Variants in SPOUT1 observed in about 807,000 individuals in gnomAD.
SPOUT1 encodes the protein 28S rRNA (uridine-N(3))-methyltransferase.
A neutral mutation model predicts 54.8 loss-of-function variants in SPOUT1; 40 were observed. That is an observed-to-expected ratio of 0.73 (90% CI 0.57 to 0.95). SPOUT1 has a LOEUF of 0.95. Ranked by LOEUF, SPOUT1 falls within the 40% of genes least tolerant of loss-of-function variation. SPOUT1 has a pLI of 0.00. For missense variants in SPOUT1, 437 were observed against 499.5 expected (o/e 0.87, Z 1.19); for synonymous variants, 193 against 200.3 (o/e 0.96, Z 0.31).
In SPOUT1 at chr9:128,824,176, T is replaced by TG; in HGVS notation, c.812-3dup. On this transcript the variant is annotated splice_polypyrimidine_tract_variant and splice_region_variant and intron_variant, in intron 9 of 11. Transcript: ENST00000361256. ...AGGGGGCCTCAGCAAACACAGCACC[T>TG]GGGGGTGGGGCCAGCTCAGTGCAGG... 1 of 1,583,896 alleles carries TG rather than the reference T, an allele frequency of 6.3e-7. No individual in the cohort carries two copies. Among genetic ancestry groups the TG allele is most frequent in the Non-Finnish European group, 8.6e-7 (1 of 1,158,562 alleles).
Position 128,820,355 on chromosome 9 carries a change from G to C in SPOUT1, c.*2410C>G. The C allele has an allele frequency of 5.0e-6, 1 of 198,376 alleles. No individual in the cohort carries two copies. The highest frequency in any genetic ancestry group is 1.0e-5 in the Non-Finnish European group (1 of 96,684). The allele number at this position is 198,376 out of a possible 1,614,324, so 12.3% of individuals were successfully genotyped here. ...TGGAGGTCGATTCATGGCATTCCCCGCTAGGCTCTTCCTGTGGCTCAGACT... is the reference window on the plus strand; with the variant it reads ...TGGAGGTCGATTCATGGCATTCCCCCCTAGGCTCTTCCTGTGGCTCAGACT... On this transcript the variant is annotated 3_prime_UTR_variant, in exon 12 of 12. Coordinates refer to ENST00000361256, the MANE Select transcript of SPOUT1 (RefSeq NM_016390.4).
chr9:128,829,659 G>C, intron 1 of SPOUT1, 86 bp downstream of exon 1: 4 of 1,070,508 alleles, frequency 3.7e-6, no homozygotes, highest in Non-Finnish European at 5.5e-6. Context: ...AGGAGGCGCG[G>C]CCCGGCCCCG....
chr9:128,829,645 C>A (rs1830313401), intron 1 of SPOUT1, 100 bp downstream of exon 1: 2 of 899,572 alleles, frequency 2.2e-6, no homozygotes, highest in South Asian at 1.6e-5. Flanking sequence ...GGGAAGCAGG[C>A]AGCAGGAGGC....
At chr9:128,824,208 TC>T in intron 9 of SPOUT1, 34 bp from the exon 10 acceptor site, 1 of 1,181,494 alleles carries the variant, frequency 8.5e-7, no homozygotes, top group Non-Finnish European at 1.2e-6. Context: ...CAGGTCCTGC[TC>T]CCCACAAGCC....
intron 3 of SPOUT1, 22 bp from the exon 4 acceptor site, chr9:128,827,213 C>T: frequency 4.4e-6 from 7 of 1,593,350 alleles, no homozygotes; most frequent in Non-Finnish European, 6.0e-6. Context: ...AGGGATGTTC[C>T]CAGCCAGTGT....
intron 3 of SPOUT1, 60 bp downstream of exon 3, chr9:128,828,675 T>G: frequency 1.9e-6 from 3 of 1,591,754 alleles, no homozygotes; most frequent in Non-Finnish European, 2.6e-6. Context: ...ATCTCTGCTC[T>G]GCCTGCAGGA....
chr9:128,825,151 C>T lies in SPOUT1; in HGVS notation c.640-102G>A, dbSNP rs1044700642. The T allele has an allele frequency of 9.8e-6, 8 of 818,024 alleles. No individual in the cohort carries two copies. In the African/African-American group the frequency reaches 1.4e-4, roughly 14 times the overall value. The allele number at this position is 818,024 out of a possible 1,614,324, so 50.7% of individuals were successfully genotyped here. On this transcript the variant is annotated intron_variant, in intron 7 of 11. Coordinates refer to ENST00000361256, the MANE Select transcript of SPOUT1 (RefSeq NM_016390.4). ...GGGGAGCCCCGGGGCTGGCAAGGGA[C>T]CAAGGGGTCCAGGTCAACCTGCCAC...
At chr9:128,829,409 T>C (rs1830305249) in intron 1 of SPOUT1, among the ~76,000 whole-genome samples, 1 of 152,082 alleles carries the variant, frequency 6.6e-6, no homozygotes. Flanking sequence ...AAGAGAAAAC[T>C]GAGGCTCAGG....
chr9:128,820,547 G>A lies in SPOUT1; in HGVS notation c.*2218C>T, dbSNP rs952011068. 4.1e-5 allele frequency: 24 copies of A among 589,730 alleles called. No homozygotes were observed. Among genetic ancestry groups the A allele is most frequent in the Non-Finnish European group, 3.0e-6 (1 of 330,174 alleles). 36.5% of individuals were successfully genotyped at this position (589,730 alleles called of 1,614,324 possible). ...TGACACCTGGGCTGTGGGAGGGACA[G>A]AGGGTGGTGGCTAGCACTCTATCAG... On this transcript the variant is annotated 3_prime_UTR_variant, in exon 12 of 12. Transcript: ENST00000361256.
intron 11 of SPOUT1, 56 bp downstream of exon 11, chr9:128,823,691 C>G (rs1157889627): frequency 1.7e-5 from 26 of 1,518,656 alleles, no homozygotes; most frequent in Non-Finnish European, 2.1e-5. Flanking sequence ...GCACCCGCCC[C>G]TCGGACAGAT....
chr9:128,827,719 C>T (rs1457917715), intron 3 of SPOUT1, among the ~76,000 whole-genome samples: 1 of 152,198 alleles, frequency 6.6e-6, no homozygotes, highest in African/African-American at 2.4e-5. Flanking sequence ...GTCAGGAGTT[C>T]AAGACCAGCC....
chr9:128,827,538 G>A (rs1003631689), intron 3 of SPOUT1, among the ~76,000 whole-genome samples: 1 of 152,194 alleles, frequency 6.6e-6, no homozygotes, highest in Non-Finnish European at 1.5e-5. Flanking sequence ...ACATTAACCC[G>A]ATAGCCATTA....
At position 128,822,597 on chromosome 9, in the gene SPOUT1, C is replaced by A. The variant is rs779416052; in HGVS notation, c.*168G>T. The A allele has an allele frequency of 2.5e-6, 4 of 1,569,234 alleles. No homozygotes were observed. In the Admixed American group the frequency reaches 5.7e-5, roughly 23 times the overall value. ...GCAGGCAGCCTCAAGGCCATCACGG[C>A]GGGCAGTAAGTGAGGGTGGAGCCCA... On this transcript the variant is annotated 3_prime_UTR_variant, in exon 12 of 12. Coordinates refer to ENST00000361256, the MANE Select transcript of SPOUT1 (RefSeq NM_016390.4).
intron 1 of SPOUT1, 117 bp downstream of exon 1, chr9:128,829,628 G>C (rs1830312925): frequency 7.6e-6 from 6 of 792,670 alleles, no homozygotes; most frequent in South Asian, 1.7e-5. Context: ...TCCGGCCTGG[G>C]ATCAGCGGGA....
Position 128,822,376 on chromosome 9 carries a change from G to C in SPOUT1, c.*389C>G. The C allele has an allele frequency of 6.2e-7, 1 of 1,613,908 alleles. No individual in the cohort carries two copies. Among genetic ancestry groups the C allele is most frequent in the Non-Finnish European group, 8.5e-7 (1 of 1,179,980 alleles). On this transcript the variant is annotated 3_prime_UTR_variant, in exon 12 of 12. Coordinates refer to ENST00000361256, the MANE Select transcript of SPOUT1 (RefSeq NM_016390.4). ...ACGTAAAGTACCAGGTCATCGGCAA[G>C]AACCACGTGGCAGTGCCCACACACT...
At chr9:128,823,220 G>C (rs943109207) in intron 11 of SPOUT1, among the ~76,000 whole-genome samples, 2 of 152,172 alleles carry the variant, frequency 1.3e-5, no homozygotes, top group African/African-American at 4.8e-5. Flanking sequence ...CTTAGGGATG[G>C]GTAGACAGGG....
rs1350259165 is a variant in SPOUT1, at chr9:128,822,358, G to C, written c.*407C>G. 1.2e-6 allele frequency: 2 copies of C among 1,613,858 alleles called. No individual in the cohort carries two copies. Among genetic ancestry groups the C allele is most frequent in the African/African-American group, 2.7e-5 (2 of 74,942 alleles). On this transcript the variant is annotated 3_prime_UTR_variant, in exon 12 of 12. Transcript: ENST00000361256. The stretch of plus-strand genomic sequence containing the variant: ...AGGCTGATGGGAAATCCTACGTAAA[G>C]TACCAGGTCATCGGCAAGAACCACG...
Position 128,820,567 on chromosome 9 carries a change from T to TATCA in SPOUT1, c.*2194_*2197dup, listed in dbSNP as rs1440199807. 1 of 620,164 alleles carries TATCA rather than the reference T, an allele frequency of 1.6e-6. No individual in the cohort carries two copies. Among genetic ancestry groups the TATCA allele is most frequent in the Non-Finnish European group, 2.9e-6 (1 of 347,610 alleles). The allele number at this position is 620,164 out of a possible 1,614,324, so 38.4% of individuals were successfully genotyped here. On this transcript the variant is annotated 3_prime_UTR_variant, in exon 12 of 12. Transcript: ENST00000361256. ...GGACAGAGGGTGGTGGCTAGCACTCTATCAGCCCTGGGTTTCAGGGAGTGA... is the reference window on the plus strand; with the variant it reads ...GGACAGAGGGTGGTGGCTAGCACTCTATCAATCAGCCCTGGGTTTCAGGGAGTGA...
intron 3 of SPOUT1, 38 bp downstream of exon 3, chr9:128,828,697 G>A: frequency 6.2e-7 from 1 of 1,609,580 alleles, no homozygotes; most frequent in Non-Finnish European, 8.5e-7. Context: ...AACTACCGTG[G>A]GCCACAACCT....
Sources: gnomAD v4.1 joint callset for allele counts (sites outside exome capture counted in the v4.1 genomes callset) on GRCh38, gnomAD v4.1.1 for gene constraint, MANE v1.5 for transcripts, NCBI Gene and HGNC (gene_info 2026-07-23, HGNC 2026-07-21) for gene names.